AKR1C8: variants seen among roughly 807,000 people sequenced by gnomAD.
AKR1C8 encodes the protein aldo-keto reductase family 1 member C8, also known as aldo-keto reductase family 1 member C-like protein 1.
At chr10:5,168,386 A>G in the AKR1C8 span, among the ~76,000 whole-genome samples, 1 of 152,018 alleles carries the variant, frequency 6.6e-6, no homozygotes, top group Non-Finnish European at 1.5e-5. Flanking sequence ...CTCTTGTCAC[A>G]TAGTCATCAA....
chr10:5,179,626 T>C, the AKR1C8 span, among the ~76,000 whole-genome samples: 8 of 148,696 alleles, frequency 5.4e-5, no homozygotes, highest in Non-Finnish European at 7.4e-5. Flanking sequence ...CAATCAGACG[T>C]AGATTTGGTC....
chr10:5,161,965 G>A, the AKR1C8 span: 2 of 529,460 alleles, frequency 3.8e-6, no homozygotes, highest in Admixed American at 3.9e-5. Flanking sequence ...AAAGAAAGTA[G>A]CCCAAAGCTG....
chr10:5,120,920 A>G, the AKR1C8 span, among the ~76,000 whole-genome samples: 83 of 152,150 alleles, frequency 5.5e-4, no homozygotes, highest in Non-Finnish European at 1.1e-3. Flanking sequence ...AAGCAGCAAA[A>G]TGAGCATATA....
chr10:5,174,933 T>C, the AKR1C8 span, among the ~76,000 whole-genome samples: 1 of 152,116 alleles, frequency 6.6e-6, no homozygotes, highest in South Asian at 2.1e-4. Flanking sequence ...TGTTTTTTCA[T>C]AAATCGAACA....
the AKR1C8 span, among the ~76,000 whole-genome samples, chr10:5,166,871 A>T: frequency 6.6e-6 from 1 of 152,054 alleles, no homozygotes; most frequent in African/African-American, 2.4e-5. Flanking sequence ...ATGGGAGAAA[A>T]TTTTTGCAAT....
At chr10:5,116,597 A>G in the AKR1C8 span, among the ~76,000 whole-genome samples, 3 of 152,188 alleles carry the variant, frequency 2.0e-5, no homozygotes, top group African/African-American at 7.2e-5. Context: ...GCTTCTTCCA[A>G]GTCCCTGACC....
chr10:5,139,933 C>A, the AKR1C8 span, among the ~76,000 whole-genome samples: 1 of 152,092 alleles, frequency 6.6e-6, no homozygotes, highest in African/African-American at 2.4e-5. Context: ...CTACAAAGAA[C>A]TTAAACAAAT....
At chr10:5,132,562 T>C in the AKR1C8 span, 4 of 1,448,988 alleles carry the variant, frequency 2.8e-6, no homozygotes, top group East Asian at 2.4e-5. Flanking sequence ...CACTATCACA[T>C]TAAATACATG....
chr10:5,164,861 G>C, the AKR1C8 span, among the ~76,000 whole-genome samples: 1 of 152,116 alleles, frequency 6.6e-6, no homozygotes, highest in East Asian at 1.9e-4. Flanking sequence ...TCAGGGCTTT[G>C]GCACCAGAAC....
At chr10:5,160,403 A>G in the AKR1C8 span, among the ~76,000 whole-genome samples, 1 of 152,070 alleles carries the variant, frequency 6.6e-6, no homozygotes, top group Non-Finnish European at 1.5e-5. Context: ...AAAAAAATCA[A>G]TCAAATGGGT....
chr10:5,178,486 T>G, the AKR1C8 span, among the ~76,000 whole-genome samples: 6 of 152,162 alleles, frequency 3.9e-5, no homozygotes, highest in African/African-American at 9.7e-5. Flanking sequence ...TCTGTAGATG[T>G]CTATTAGGTC....
chr10:5,132,146 A>G, the AKR1C8 span, among the ~76,000 whole-genome samples: 3 of 151,966 alleles, frequency 2.0e-5, no homozygotes, highest in Admixed American at 2.0e-4. Context: ...AAAGACATAC[A>G]GATGATATAA....
chr10:5,163,598 A>C, the AKR1C8 span, among the ~76,000 whole-genome samples: 1 of 152,162 alleles, frequency 6.6e-6, no homozygotes, highest in Non-Finnish European at 1.5e-5. Flanking sequence ...TTCCCTTCTC[A>C]CTTCCTAATG....
the AKR1C8 span, chr10:5,135,154 C>T: frequency 4.5e-6 from 1 of 223,570 alleles, no homozygotes; most frequent in Admixed American, 4.2e-5. Context: ...TCTGGAGGTA[C>T]ACAGGTGCCA....
the AKR1C8 span, chr10:5,161,734 A>G: frequency 7.5e-6 from 4 of 534,556 alleles, no homozygotes; most frequent in South Asian, 5.6e-5. Context: ...AATCCTATGC[A>G]CCTCACTCAA....
At chr10:5,184,260 C>G in the AKR1C8 span, among the ~76,000 whole-genome samples, 3 of 152,206 alleles carry the variant, frequency 2.0e-5, no homozygotes, top group Non-Finnish European at 4.4e-5. Flanking sequence ...GGCCCCCTCT[C>G]TACTCGAGAA....
At chr10:5,130,140 A>C in the AKR1C8 span, among the ~76,000 whole-genome samples, 3 of 151,990 alleles carry the variant, frequency 2.0e-5, no homozygotes, top group African/African-American at 2.4e-5. Flanking sequence ...AATATGATAT[A>C]TAACACAAAG....
At chr10:5,123,761 G>A in the AKR1C8 span, 1 of 1,613,476 alleles carries the variant, frequency 6.2e-7, no homozygotes, top group South Asian at 1.1e-5. Flanking sequence ...CCAGAACAAT[G>A]TCTTTTGACT....
the AKR1C8 span, chr10:5,163,019 G>C: frequency 2.8e-4 from 147 of 533,966 alleles, 1 homozygote; most frequent in African/African-American, 2.7e-3. Flanking sequence ...GCTTTTGGGA[G>C]TCTATAAGAC....
Sources: allele counts gnomAD v4.1 joint callset (sites outside exome capture counted in the v4.1 genomes callset), GRCh38; gene constraint gnomAD v4.1.1; transcripts MANE v1.5; gene names NCBI Gene and HGNC (gene_info 2026-07-23, HGNC 2026-07-21).